Variants in ANO1 observed in about 807,000 individuals in gnomAD.
ANO1 encodes anoctamin-1.
ANO1 carries 59 observed loss-of-function variants against 124.0 expected under a neutral mutation model. The observed-to-expected ratio is 0.48, with a 90% CI of 0.39 to 0.59. The LOEUF (loss-of-function observed/expected upper bound fraction) is 0.59, where lower values mean the gene tolerates loss of function less well. Ranked by LOEUF, ANO1 falls within the 20% of genes least tolerant of loss-of-function variation. The probability of loss-of-function intolerance (pLI) is 0.00; values close to 1 mark genes in which losing one functional copy is unlikely to be tolerated. For missense variants in ANO1, 1,059 were observed against 1,328.0 expected (o/e 0.80, Z 3.15); for synonymous variants, 529 against 532.0 (o/e 0.99, Z 0.08).
At chr11:69,973,033 C>T in the ANO1 span, among the ~76,000 whole-genome samples, 17,951 of 151,950 alleles carry the variant, frequency 0.12, 1,319 homozygotes, top group Admixed American at 0.16. Context: ...CCTCAGCCTC[C>T]TGAGTAGCTA....
chr11:70,024,570 T>G (rs2135008008), intron 1 of ANO1, among the ~76,000 whole-genome samples: 1 of 152,320 alleles, frequency 6.6e-6, no homozygotes, highest in South Asian at 2.1e-4. Flanking sequence ...CTGGGCACCG[T>G]CTGCTTTCAT....
At chr11:70,148,403 A>G (rs2047464546) in intron 11 of ANO1, among the ~76,000 whole-genome samples, 1 of 152,176 alleles carries the variant, frequency 6.6e-6, no homozygotes, top group Non-Finnish European at 1.5e-5. Context: ...TGGATGAGGA[A>G]ACAGAGGCAC....
At chr11:70,022,628 G>T (rs1856829251) in intron 1 of ANO1, among the ~76,000 whole-genome samples, 1 of 151,502 alleles carries the variant, frequency 6.6e-6, no homozygotes, top group African/African-American at 2.4e-5. Flanking sequence ...GAATGCAAGA[G>T]TGAAGCCACT....
intron 1 of ANO1, among the ~76,000 whole-genome samples, chr11:70,045,054 T>C (rs1857238265): frequency 6.6e-6 from 1 of 152,024 alleles, no homozygotes; most frequent in Admixed American, 6.5e-5. Context: ...AATATAAAGA[T>C]AGAACTAGAA....
chr11:70,100,295 G>A (rs1259383574), intron 2 of ANO1, among the ~76,000 whole-genome samples: 1 of 152,222 alleles, frequency 6.6e-6, no homozygotes, highest in Non-Finnish European at 1.5e-5. Flanking sequence ...ACGTGGCCTT[G>A]TTTGGAAGAA....
chr11:70,024,693 C>T (rs1434278837), intron 1 of ANO1, among the ~76,000 whole-genome samples: 2 of 152,222 alleles, frequency 1.3e-5, no homozygotes, highest in Admixed American at 1.3e-4. Flanking sequence ...TTCTTCGCCA[C>T]CACCACCACT....
At chr11:70,177,186 G>A (rs868823292) in intron 22 of ANO1, among the ~76,000 whole-genome samples, 22 of 152,348 alleles carry the variant, frequency 1.4e-4, no homozygotes, top group Middle Eastern at 3.4e-3. Context: ...GAACTCAGGA[G>A]CCACGTCCCT....
Position 70,111,775 on chromosome 11 carries a change from GAC to G in ANO1, c.855+18_855+19del, listed in dbSNP as rs779066698. 8 of 1,613,774 alleles carry G rather than the reference GAC, an allele frequency of 5.0e-6. No individual in the cohort carries two copies. Among genetic ancestry groups the G allele is most frequent in the African/African-American group, 2.7e-5 (2 of 74,928 alleles). Reference sequence around the variant, plus strand: ...CCCACTGCACGATGTAAGTAACCTTGACACACGATTTATCTCTGCGTCATTTG... The same window carrying G: ...CCCACTGCACGATGTAAGTAACCTTGACACGATTTATCTCTGCGTCATTTG... On this transcript the variant is annotated intron_variant, in intron 7 of 25. Coordinates refer to ENST00000355303, the MANE Select transcript of ANO1 (RefSeq NM_018043.7).
intron 13 of ANO1, 129 bp from the exon 14 acceptor site, chr11:70,152,928 G>T (rs1483658693): frequency 2.7e-6 from 2 of 734,422 alleles, no homozygotes; most frequent in Non-Finnish European, 4.6e-6. Flanking sequence ...ATATTCAGCA[G>T]CCAACTATGA....
At chr11:70,151,814 T>TTG (rs1230188682) in intron 12 of ANO1, among the ~76,000 whole-genome samples, 12 of 152,186 alleles carry the variant, frequency 7.9e-5, no homozygotes, top group Admixed American at 7.9e-4. Flanking sequence ...AGAAGGACAC[T>TTG]TGTCTCCTAT....
At chr11:70,099,552 T>C (rs951903070) in intron 2 of ANO1, among the ~76,000 whole-genome samples, 1 of 152,142 alleles carries the variant, frequency 6.6e-6, no homozygotes, top group Non-Finnish European at 1.5e-5. Context: ...TGGGCTGTCT[T>C]TTCTCCTGAC....
At chr11:69,994,776 A>T (rs1856228371) in intron 1 of ANO1, among the ~76,000 whole-genome samples, 1 of 152,130 alleles carries the variant, frequency 6.6e-6, no homozygotes, top group Admixed American at 6.6e-5. Context: ...TGTCTTTTTC[A>T]TGACTTGTTT....
In ANO1 at chr11:70,116,558, C is replaced by T. The variant is rs541635940; in HGVS notation, c.897+59C>T. The stretch of plus-strand genomic sequence containing the variant: ...GTCAGAGCCTGGAGGCGTTCTGGGG[C>T]GGGGTGGGCCTGCAGCTGGACCGAG... On this transcript the variant is annotated intron_variant, in intron 8 of 25. Transcript: ENST00000355303. The T allele has an allele frequency of 1.4e-4, 209 of 1,527,894 alleles. 1 individual carries two copies. Among genetic ancestry groups the T allele is most frequent in the South Asian group, 1.1e-3 (89 of 83,688 alleles). The allele number at this position is 1,527,894 out of a possible 1,614,324, so 94.6% of individuals were successfully genotyped here. A position where few individuals can be genotyped will look rare whatever the true frequency, so the allele number is the denominator to read the frequency against.
At chr11:70,066,815 G>A (rs1393950273) in intron 1 of ANO1, among the ~76,000 whole-genome samples, 2 of 152,140 alleles carry the variant, frequency 1.3e-5, no homozygotes, top group Non-Finnish European at 2.9e-5. Context: ...CACAGTCATA[G>A]ACCAGTCAGC....
Position 70,012,836 on chromosome 11 carries a change from G to A in ANO1, c.58+26670G>A, listed in dbSNP as rs183205104. ...TATTATTTCATCTATTCATCCACACGTCCATCCATTCATTTGCTTTTTCAT... is the reference window on the plus strand; with the variant it reads ...TATTATTTCATCTATTCATCCACACATCCATCCATTCATTTGCTTTTTCAT... On this transcript the variant is annotated intron_variant, in intron 1 of 27. Transcript: ENST00000531349. Among the ~76,000 whole-genome samples the A allele has an allele frequency of 2.4e-3, 366 of 151,816 alleles. 1 individual carries two copies. The highest frequency in any genetic ancestry group is 6.8e-3 in the Middle Eastern group (2 of 294).
Position 70,149,388 on chromosome 11 carries a change from C to T in ANO1, c.1259-322C>T, listed in dbSNP as rs553866789. 5.3e-5 allele frequency among the ~76,000 whole-genome samples: 8 copies of T among 152,298 alleles called. No individual in the cohort carries two copies. In the South Asian group the frequency reaches 6.2e-4, roughly 12 times the overall value. On this transcript the variant is annotated intron_variant, in intron 11 of 25. Transcript: ENST00000355303. ...TGCCTTGGCTGGGCGTGGTGGCTCA[C>T]GCCTGTAGTCCCCACACTTTGGGAG...
chr11:70,038,805 TAAAG>T (rs1555004736), intron 1 of ANO1, among the ~76,000 whole-genome samples: 3 of 152,154 alleles, frequency 2.0e-5, no homozygotes, highest in African/African-American at 7.2e-5. Flanking sequence ...AGAGGAGCAG[TAAAG>T]TACTTCCTTG....
intron 1 of ANO1, among the ~76,000 whole-genome samples, chr11:70,032,135 C>A (rs1408311006): frequency 6.6e-6 from 1 of 152,164 alleles, no homozygotes; most frequent in Admixed American, 6.5e-5. Flanking sequence ...CTGTTAGAAC[C>A]ATTTCCAACT....
intron 1 of ANO1, among the ~76,000 whole-genome samples, chr11:70,041,130 G>T (rs1315313058): frequency 1.3e-5 from 2 of 152,116 alleles, no homozygotes; most frequent in Non-Finnish European, 2.9e-5. Flanking sequence ...GTGACAGTAG[G>T]GGCAGGGGAT....
Sources: allele counts gnomAD v4.1 joint callset (sites outside exome capture counted in the v4.1 genomes callset), GRCh38; gene constraint gnomAD v4.1.1; transcripts MANE v1.5; gene names NCBI Gene and HGNC (gene_info 2026-07-23, HGNC 2026-07-21).